Variants in FAM234A observed in about 807,000 individuals in gnomAD.
The protein encoded by FAM234A is family with sequence similarity 234 member A, also known as protein FAM234A.
FAM234A carries 42 observed loss-of-function variants against 49.1 expected under a neutral mutation model. That is an observed-to-expected ratio of 0.86 (90% confidence interval 0.67 to 1.11). The LOEUF is 1.11. Among genes scored for constraint, FAM234A ranks in the 50% least tolerant of loss-of-function variants. The pLI, the probability that FAM234A is intolerant of heterozygous loss-of-function variation, is 0.00. For missense variants in FAM234A, 815 were observed against 745.2 expected (o/e 1.09, Z -1.09); for synonymous variants, 369 against 316.2 (o/e 1.17, Z -1.77).
chr16:238,781 A>AAAAAAG (rs2050501474), intron 1 of FAM234A, among the ~76,000 whole-genome samples: 1 of 137,242 alleles, frequency 7.3e-6, no homozygotes. Flanking sequence ...AAAAAAAAAA[A>AAAAAAG]AAAAAGAAAA....
intron 1 of FAM234A, among the ~76,000 whole-genome samples, chr16:246,738 TCGA>T (rs2050824549): frequency 6.7e-6 from 1 of 149,494 alleles, no homozygotes. Flanking sequence ...TTTTTTTTTT[TCGA>T]TCGATTGGTG....
Position 262,459 on chromosome 16 carries a change from T to C in FAM234A, c.877T>C (p.Tyr293His), listed in dbSNP as rs149122290. ...SLCGCSVKGL[Y>H]EKVTGSGGPF... ...CTGCGGCTGCTCTGTGAAGGGTCTC[T>C]ACGAGAAGGTGACCGGGAGCGGCGG... Residue 293 changes from tyrosine to histidine, a missense_variant, in exon 8 of 13, where the codon TAC (tyrosine) becomes CAC (histidine). Tyr to His is a moderately conservative substitution (Grantham distance 83, BLOSUM62 2). Coordinates refer to ENST00000399932, the MANE Select transcript of FAM234A (RefSeq NM_032039.4). 277 of 1,611,738 alleles carry C rather than the reference T, an allele frequency of 1.7e-4. No individual in the cohort carries two copies. The African/African-American group carries it at 3.3e-3, about 19-fold the overall frequency.
chr16:247,376 G>T (rs561639157), intron 1 of FAM234A, among the ~76,000 whole-genome samples: 1 of 151,320 alleles, frequency 6.6e-6, no homozygotes, highest in East Asian at 1.9e-4. Context: ...CTTTCCATGC[G>T]CCTCGGCCTG....
At chr16:242,612 C>CTTT (rs1352877144) in intron 1 of FAM234A, among the ~76,000 whole-genome samples, 1 of 137,828 alleles carries the variant, frequency 7.3e-6, no homozygotes, top group Admixed American at 7.3e-5. Context: ...GTGTCAGCTC[C>CTTT]TTTTTTTTTT....
At chr16:261,626 G>T in intron 6 of FAM234A, 112 bp downstream of exon 6, 1 of 1,321,018 alleles carries the variant, frequency 7.6e-7, no homozygotes, top group Non-Finnish European at 1.0e-6. Context: ...CTGACCACTT[G>T]CCGGGGACTC....
rs150888561 is a variant in FAM234A, at chr16:257,983, G to A, written c.269-1500G>A. ...GGCGATTCTCCTGCCTTAGCCTCCC[G>A]AGTAGCTGGAACTATAGGCGCCCGC... is the stretch of plus-strand genomic sequence containing the variant. On this transcript the variant is annotated intron_variant, in intron 3 of 12. Transcript: ENST00000399932. 5.0e-3 allele frequency among the ~76,000 whole-genome samples: 761 copies of A among 151,916 alleles called. 8 individuals carry two copies. Among genetic ancestry groups the A allele is most frequent in the African/African-American group, 0.017 (693 of 41,416 alleles).
intron 8 of FAM234A, 66 bp downstream of exon 8, chr16:262,619 A>G: frequency 6.8e-7 from 1 of 1,476,586 alleles, no homozygotes; most frequent in South Asian, 1.4e-5. Flanking sequence ...CGCCTGCCTC[A>G]GCGTTCGGAC....
At chr16:238,487 C>G (rs1365312528) in intron 1 of FAM234A, among the ~76,000 whole-genome samples, 1 of 152,066 alleles carries the variant, frequency 6.6e-6, no homozygotes, top group Non-Finnish European at 1.5e-5. Context: ...ACTGTTCTGG[C>G]CAGGCACGGT....
At position 259,489 on chromosome 16, in the gene FAM234A, A is replaced by G. The variant is rs922150511; in HGVS notation, c.275A>G (p.Tyr92Cys). 3 of 1,589,426 alleles carry G rather than the reference A, an allele frequency of 1.9e-6. No homozygotes were observed. The highest frequency in any genetic ancestry group is 2.6e-6 in the Non-Finnish European group (3 of 1,158,010). ...WRIDYSAAVI[Y>C]DFLAVDDING... ...CTGTGGTTTTCTCTTTCAGTTATCT[A>G]TGACTTTCTGGCTGTGGATGATATA... Residue 92 changes from tyrosine to cysteine, a missense_variant, in exon 4 of 13, where the codon TAT (tyrosine) becomes TGT (cysteine). By Grantham distance (194) the Tyr-to-Cys change is radical. Coordinates refer to ENST00000399932, the MANE Select transcript of FAM234A (RefSeq NM_032039.4).
chr16:248,066 C>T (rs1228529065), intron 1 of FAM234A, among the ~76,000 whole-genome samples: 1 of 152,060 alleles, frequency 6.6e-6, no homozygotes, highest in African/African-American at 2.4e-5. Context: ...CTTCTGAAGC[C>T]TCTGTTTCTG....
chr16:269,392 G>A (rs368705418), downstream of FAM234A: 22 of 1,596,738 alleles, frequency 1.4e-5, no homozygotes, highest in Middle Eastern at 1.7e-4. Flanking sequence ...CGCTGTGGGC[G>A]AGAAGGCGGC....
chr16:237,347 T>A (rs563162167), intron 1 of FAM234A, among the ~76,000 whole-genome samples: 4 of 152,282 alleles, frequency 2.6e-5, no homozygotes, highest in African/African-American at 9.6e-5. Context: ...AATTGATCAG[T>A]GGCTTATCTG....
rs751981373 is a variant in FAM234A at position 260,149 on chromosome 16, A to G, written c.566A>G (p.Asn189Ser). 12 of 1,613,508 alleles carry G rather than the reference A, an allele frequency of 7.4e-6. No homozygotes were observed. In the African/African-American group the frequency reaches 9.3e-5, roughly 13 times the overall value. ...VGRPSSFIAVNLFTGETLWNH... is the reference protein window; with the variant it reads ...VGRPSSFIAVSLFTGETLWNH... ...AGACCCAGTTCTTTCATTGCAGTCA[A>G]CTTGTTCACAGGTAGGCCAGCCAGG... The change falls in exon 5 of 13, where the codon AAC becomes AGC. Residue 189 changes from asparagine (N) to serine (S), a missense_variant. Physicochemically the swap from Asn to Ser is conservative, Grantham distance 46. Coordinates refer to ENST00000399932, the MANE Select transcript of FAM234A (RefSeq NM_032039.4).
rs748438636 is a variant in FAM234A, at chr16:235,278, G to T, written c.-140+421G>T. The stretch of plus-strand genomic sequence containing the variant: ...CTGAGAGTGTTTTTTTATGGTGGAA[G>T]AATGTGGATGAGAAGCCTCACGGGG... On this transcript the variant is annotated intron_variant, in intron 1 of 12. Transcript: ENST00000399932. 9.7e-4 allele frequency among the ~76,000 whole-genome samples: 147 copies of T among 152,288 alleles called. 2 individuals carry two copies. In the Middle Eastern group the frequency reaches 0.01, roughly 11 times the overall value.
At chr16:242,919 G>A (rs2050671836) in intron 1 of FAM234A, among the ~76,000 whole-genome samples, 1 of 151,450 alleles carries the variant, frequency 6.6e-6, no homozygotes, top group African/African-American at 2.4e-5. Flanking sequence ...TCCCGTGTCA[G>A]GTCTTTTACC....
At chr16:263,631 CTGGGT>C in intron 9 of FAM234A, 64 bp from the exon 10 acceptor site, 1 of 1,377,376 alleles carries the variant, frequency 7.3e-7, no homozygotes, top group Non-Finnish European at 1.0e-6. Context: ...GGACGTGTTC[CTGGGT>C]GCTTCCTTCA....
intron 1 of FAM234A, among the ~76,000 whole-genome samples, chr16:241,688 C>G (rs540363974): frequency 6.6e-6 from 1 of 151,994 alleles, no homozygotes; most frequent in African/African-American, 2.4e-5. Flanking sequence ...GAGGCCGAGG[C>G]GGGCGGATCA....
At chr16:269,324 G>C (rs758577077), downstream of FAM234A, 32 of 1,600,950 alleles carry the variant, frequency 2.0e-5, no homozygotes, top group South Asian at 2.4e-4. Flanking sequence ...CTCCACAGGG[G>C]TGGGAAGGAG....
At chr16:267,483 C>T (rs1448350465), downstream of FAM234A, among the ~76,000 whole-genome samples, 1 of 141,292 alleles carries the variant, frequency 7.1e-6, no homozygotes, top group Non-Finnish European at 1.5e-5. Flanking sequence ...GTGCACACCT[C>T]ATACATGCAA....
Sources: gnomAD v4.1 joint callset for allele counts (sites outside exome capture counted in the v4.1 genomes callset) on GRCh38, gnomAD v4.1.1 for gene constraint, MANE v1.5 for transcripts, NCBI Gene and HGNC (gene_info 2026-07-23, HGNC 2026-07-21) for gene names.